The following VAT1 variants were observed in gnomAD, a reference collection of about 807,000 sequenced individuals.
VAT1 encodes vesicle amine transport 1.
A neutral mutation model predicts 33.3 loss-of-function variants in VAT1; 24 were observed. That is an observed-to-expected ratio of 0.72 (90% CI 0.52 to 1.01). VAT1 has a LOEUF of 1.01. Among genes scored for constraint, VAT1 ranks in the 50% least tolerant of loss-of-function variants. The probability of loss-of-function intolerance (pLI) is 0.00; values close to 1 mark genes in which losing one functional copy is unlikely to be tolerated. For missense variants in VAT1, 436 were observed against 533.7 expected (o/e 0.82, Z 1.80); for synonymous variants, 212 against 225.0 (o/e 0.94, Z 0.52).
chr17:43,020,290 A>T, intron 1 of VAT1: 4 of 985,390 alleles, frequency 4.1e-6, no homozygotes, highest in Non-Finnish European at 4.8e-6. Context: ...CCTGGACAGG[A>T]TATCCTGTAT....
rs117961101 is a variant in VAT1 at position 43,018,519 on chromosome 17, A to G, written c.595+73T>C. On this transcript the variant is annotated intron_variant, in intron 2 of 5. Transcript: ENST00000355653. ...TGGTGTTGCCATGACAACAACCCAGACAGGCTGCAGGGAAGGGGCCTGGAA... is the reference window on the plus strand; with the variant it reads ...TGGTGTTGCCATGACAACAACCCAGGCAGGCTGCAGGGAAGGGGCCTGGAA... The G allele has an allele frequency of 4.1e-4, 631 of 1,536,314 alleles. 3 individuals carry two copies. In the East Asian group the frequency reaches 0.014, roughly 34 times the overall value.
At chr17:43,021,819 G>A in intron 1 of VAT1, 117 bp downstream of exon 1, 2 of 1,481,438 alleles carry the variant, frequency 1.4e-6, no homozygotes, top group Non-Finnish European at 8.9e-7. Flanking sequence ...TTCCACGCTC[G>A]TGCACCCAGG....
At chr17:43,016,201 G>A in intron 5 of VAT1, 57 bp from the exon 6 acceptor site, 1 of 1,612,934 alleles carries the variant, frequency 6.2e-7, no homozygotes, top group Non-Finnish European at 8.5e-7. Flanking sequence ...TCCAACAAGA[G>A]CCAGTGTGAT....
In VAT1 at chr17:43,018,068, T is replaced by C. The variant is rs1332382198; in HGVS notation, c.734A>G (p.Tyr245Cys). 1 of 1,613,988 alleles carries C rather than the reference T, an allele frequency of 6.2e-7. No individual in the cohort carries two copies. Among genetic ancestry groups the C allele is most frequent in the Admixed American group, 1.7e-5 (1 of 60,012 alleles). ...GGAAATCTTCTTGATCTCATCCACG[T>C]AGTCAGTCGTGTGATAGTCGATGGG... The part of the protein sequence containing the change: ...THPIDYHTTD[Y>C]VDEIKKISPK... Residue 245 changes from tyrosine (Y) to cysteine (C), a missense_variant, in exon 3 of 6, where the codon TAC becomes TGC. Physicochemically the swap from Tyr to Cys is radical, Grantham distance 194. Transcript: ENST00000355653.
At position 43,022,104 on chromosome 17, in the gene VAT1, G is replaced by A. The variant is rs370589132; in HGVS notation, c.219C>T (p.Ala73=). 37 of 1,574,164 alleles carry A rather than the reference G, an allele frequency of 2.4e-5. No individual in the cohort carries two copies. Among genetic ancestry groups the A allele is most frequent in the Admixed American group, 1.3e-4 (7 of 54,642 alleles). Residue 73 remains alanine, a synonymous_variant, in exon 1 of 6, where the codon GCC becomes GCT. Transcript: ENST00000355653. ...GCAGCGTCAGCTGGCCGGGCCCAGG[G>A]GCCGGGGGCGCTGCCGGCCGGCTCT... ...KLQSRPAAPP[A]PGPGQLTLRL... is the part of the protein sequence containing the mutation.
At chr17:43,020,198 C>A in intron 1 of VAT1, 1 of 985,332 alleles carries the variant, frequency 1.0e-6, no homozygotes, top group Non-Finnish European at 1.2e-6. Flanking sequence ...CCCTCCCCAA[C>A]CCAGACACCA....
In VAT1 at chr17:43,014,607, C is replaced by T; in HGVS notation, c.*1454G>A. ...ACTCTCAGAGGCAACAAGCAGGACCCAGGGTTTGGCTTTTTATTGACACAA... is the reference window on the plus strand; with the variant it reads ...ACTCTCAGAGGCAACAAGCAGGACCTAGGGTTTGGCTTTTTATTGACACAA... On this transcript the variant is annotated 3_prime_UTR_variant, in exon 6 of 6. Coordinates refer to ENST00000355653, the MANE Select transcript of VAT1 (RefSeq NM_006373.4). The T allele has an allele frequency of 3.8e-6, 1 of 261,450 alleles. No homozygotes were observed. The highest frequency in any genetic ancestry group is 7.2e-6 in the Non-Finnish European group (1 of 138,232). 16.2% of individuals were successfully genotyped at this position (261,450 alleles called of 1,614,324 possible).
In VAT1 at chr17:43,022,368, A is replaced by G. The variant is rs755986256; in HGVS notation, c.-46T>C. The G allele has an allele frequency of 1.6e-5, 24 of 1,475,092 alleles. No homozygotes were observed. The highest frequency in any genetic ancestry group is 2.1e-5 in the Non-Finnish European group (23 of 1,117,220). The allele number at this position is 1,475,092 out of a possible 1,614,324, so 91.4% of individuals were successfully genotyped here. A position where few individuals can be genotyped will look rare whatever the true frequency, so the allele number is the denominator to read the frequency against. On this transcript the variant is annotated 5_prime_UTR_variant, in exon 1 of 6. Transcript: ENST00000355653. ...GCGCACAGCTGGATGGAGAGTGCACAGCTGGGGAAGGCGGAACGCGTCGGG... is the reference window on the plus strand; with the variant it reads ...GCGCACAGCTGGATGGAGAGTGCACGGCTGGGGAAGGCGGAACGCGTCGGG...
intron 1 of VAT1, among the ~76,000 whole-genome samples, chr17:43,021,366 T>G (rs1393627824): frequency 6.6e-6 from 1 of 152,088 alleles, no homozygotes; most frequent in Admixed American, 6.5e-5. Context: ...CTCTCTCTCC[T>G]CCGTGATGGG....
Position 43,015,917 on chromosome 17 carries a change from G to T in VAT1, c.*144C>A, listed in dbSNP as rs933426605. 2.4e-5 allele frequency: 21 copies of T among 881,786 alleles called. No homozygotes were observed. In the African/African-American group the frequency reaches 3.3e-4, roughly 14 times the overall value. 54.6% of individuals were successfully genotyped at this position (881,786 alleles called of 1,614,324 possible). On this transcript the variant is annotated 3_prime_UTR_variant, in exon 6 of 6. Transcript: ENST00000355653. ...GGTCAGGAAGCGGGGAGGGGCAGGG[G>T]AGAGCGGTCATCACCACAGAGACCT...
chr17:43,017,723 A>G (rs368790132), intron 4 of VAT1, 118 bp downstream of exon 4: 7 of 839,612 alleles, frequency 8.3e-6, no homozygotes, highest in Middle Eastern at 2.4e-4. Context: ...CTGATCGTCT[A>G]CAGAGCACCT....
chr17:43,018,465 G>A (rs2050539329), intron 2 of VAT1, 127 bp downstream of exon 2: 1 of 1,109,432 alleles, frequency 9.0e-7, no homozygotes, highest in African/African-American at 1.6e-5. Context: ...CACAGCAGAG[G>A]CCTCTGGGAG....
Position 43,015,791 on chromosome 17 carries a change from G to C in VAT1, c.*270C>G. On this transcript the variant is annotated 3_prime_UTR_variant, in exon 6 of 6. Coordinates refer to ENST00000355653, the MANE Select transcript of VAT1 (RefSeq NM_006373.4). The stretch of plus-strand genomic sequence containing the variant: ...GCACAAAAGCAGCACAGCAGGCCCG[G>C]GGAAAGGGTGGGGGCAGGAAGCAGC... 1.9e-6 allele frequency: 1 copy of C among 535,380 alleles called. No individual in the cohort carries two copies. 33.2% of individuals were successfully genotyped at this position (535,380 alleles called of 1,614,324 possible).
chr17:43,018,160 A>G lies in VAT1; in HGVS notation c.642T>C (p.Asn214=), dbSNP rs1567746548. The change falls in exon 3 of 6, where the codon AAT becomes AAC. Residue 214 remains asparagine (N), a synonymous_variant. Transcript: ENST00000355653. ...CCGAGGCCGTTCCGAACACTGTCAC[A>G]TTCTCCACTGTACGGCACAGCTGCA... ...AAVQLCRTVE[N]VTVFGTASAS... is the part of the protein sequence containing the mutation. 1.9e-6 allele frequency: 3 copies of G among 1,613,998 alleles called. No individual in the cohort carries two copies. The highest frequency in any genetic ancestry group is 3.3e-5 in the Admixed American group (2 of 60,024).
At chr17:43,016,193 C>G in intron 5 of VAT1, 49 bp from the exon 6 acceptor site, 4 of 1,613,336 alleles carry the variant, frequency 2.5e-6, no homozygotes, top group Non-Finnish European at 3.4e-6. Flanking sequence ...AACCCTCATC[C>G]AACAAGAGCC....
rs777690750 is a variant in VAT1, at chr17:43,016,049, C to G, written c.*12G>C. On this transcript the variant is annotated 3_prime_UTR_variant, in exon 6 of 6. Coordinates refer to ENST00000355653, the MANE Select transcript of VAT1 (RefSeq NM_006373.4). Reference sequence around the variant, plus strand: ...CCCTTCGCTGGTCTCTAGGGTCTCACAGCCACTTGCCCTAGTTCTCCTTCT... The same window carrying G: ...CCCTTCGCTGGTCTCTAGGGTCTCAGAGCCACTTGCCCTAGTTCTCCTTCT... 6.2e-7 allele frequency: 1 copy of G among 1,613,962 alleles called. No individual in the cohort carries two copies. The highest frequency in any genetic ancestry group is 1.7e-5 in the Admixed American group (1 of 60,006).
Position 43,022,094 on chromosome 17 carries a change from C to T in VAT1, c.229G>A (p.Gly77Ser), listed in dbSNP as rs745385913. The change falls in exon 1 of 6, where the codon GGC (glycine) becomes AGC (serine). Residue 77 changes from glycine to serine, a missense_variant. Around this residue, in one of 2 missense-constraint regions of VAT1, gnomAD observed 154 missense variants for 128.3 expected, o/e 1.20. Transcript: ENST00000355653. ...RPAAPPAPGP[G>S]QLTLRLRACG... ...GCCCGCAGACGCAGCGTCAGCTGGCCGGGCCCAGGGGCCGGGGGCGCTGCC... is the reference window on the plus strand; with the variant it reads ...GCCCGCAGACGCAGCGTCAGCTGGCTGGGCCCAGGGGCCGGGGGCGCTGCC... The T allele has an allele frequency of 5.7e-6, 9 of 1,584,136 alleles. No homozygotes were observed. The highest frequency in any genetic ancestry group is 2.3e-5 in the East Asian group (1 of 43,028).
chr17:43,017,696 C>T, intron 4 of VAT1, 145 bp downstream of exon 4: 2 of 650,662 alleles, frequency 3.1e-6, no homozygotes, highest in South Asian at 1.9e-5. Context: ...ATGCAGCATA[C>T]AGGACCATTC....
At chr17:43,019,929 C>G (rs1184095236) in intron 1 of VAT1, among the ~76,000 whole-genome samples, 1 of 152,084 alleles carries the variant, frequency 6.6e-6, no homozygotes, top group East Asian at 1.9e-4. Context: ...CCTCAAGCCC[C>G]CACACTCCAC....
Sources: allele counts gnomAD v4.1 joint callset (sites outside exome capture counted in the v4.1 genomes callset), GRCh38; gene constraint gnomAD v4.1.1; regional missense constraint gnomAD v4.1.1; transcripts MANE v1.5; gene names NCBI Gene and HGNC (gene_info 2026-07-23, HGNC 2026-07-21).